TCP11: variants seen among roughly 807,000 people sequenced by gnomAD.
TCP11 encodes t-complex 11.
In TCP11, 34 loss-of-function variants were observed where a neutral mutation model predicts 45.0. The observed-to-expected ratio is 0.76, with a 90% CI of 0.57 to 1.01. TCP11 has a LOEUF of 1.01. TCP11 is among the 50% of genes least tolerant of loss of function. The pLI is 0.00. For synonymous variants in TCP11, 227 were observed against 227.0 expected, an observed-to-expected ratio of 1.00 and a Z score of 0.00; for missense variants, 523 against 598.1, an observed-to-expected ratio of 0.87 and a Z score of 1.31.
At chr6:35,126,770 C>G (rs540416248) in intron 4 of TCP11, among the ~76,000 whole-genome samples, 1 of 149,480 alleles carries the variant, frequency 6.7e-6, no homozygotes, top group African/African-American at 2.5e-5. Context: ...GCAATCCTTC[C>G]GTGTCAGTCT....
chr6:35,140,707 A>AC, intron 2 of TCP11, 40 bp downstream of exon 2: 1 of 1,433,526 alleles, frequency 7.0e-7, no homozygotes, highest in Non-Finnish European at 9.5e-7. Context: ...CACACTAAGC[A>AC]CCCCCTAGGG....
chr6:35,132,837 T>G (rs1780606090), intron 3 of TCP11, among the ~76,000 whole-genome samples: 1 of 152,154 alleles, frequency 6.6e-6, no homozygotes, highest in African/African-American at 2.4e-5. Flanking sequence ...ACAGACCTCA[T>G]TCTCCCAGTT....
At chr6:35,141,115 G>A in intron 1 of TCP11, 90 bp downstream of exon 1, 8 of 1,298,898 alleles carry the variant, frequency 6.2e-6, no homozygotes, top group Non-Finnish European at 7.8e-6. Context: ...CGCAGGGCGG[G>A]AAGCGTGGGA....
In TCP11 at chr6:35,118,146, T is replaced by G; in HGVS notation, c.*123A>C. The stretch of plus-strand genomic sequence containing the variant: ...TTTACATGCTTGATCCCTACAGCCT[T>G]GGTGTACTGGCTGCAGGGCCTGGGA... On this transcript the variant is annotated 3_prime_UTR_variant, in exon 10 of 10. Coordinates refer to ENST00000311875, the MANE Select transcript of TCP11 (RefSeq NM_001370687.1). 1.3e-6 allele frequency: 1 copy of G among 777,574 alleles called. No homozygotes were observed. The highest frequency in any genetic ancestry group is 1.7e-5 in the African/African-American group (1 of 58,500). 48.2% of individuals were successfully genotyped at this position (777,574 alleles called of 1,614,324 possible). A position where few individuals can be genotyped will look rare whatever the true frequency, so the allele number is the denominator to read the frequency against.
At chr6:35,136,699 T>C (rs1172859660) in intron 2 of TCP11, among the ~76,000 whole-genome samples, 1 of 54,306 alleles carries the variant, frequency 1.8e-5, no homozygotes, top group Non-Finnish European at 3.7e-5. Flanking sequence ...TCTCAGATTT[T>C]AGGAATTCAC....
chr6:35,122,088 GT>G, intron 5 of TCP11, 28 bp downstream of exon 5: 1 of 1,612,212 alleles, frequency 6.2e-7, no homozygotes, highest in Non-Finnish European at 8.5e-7. Flanking sequence ...GCTAAAGCAG[GT>G]TTTTGGGGGC....
intron 3 of TCP11, among the ~76,000 whole-genome samples, chr6:35,129,414 CCT>C (rs1316708271): frequency 1.3e-5 from 2 of 152,212 alleles, no homozygotes; most frequent in Non-Finnish European, 2.9e-5. Context: ...CCAGAGCAGC[CCT>C]CTCTCTGCAG....
chr6:35,120,995 G>A lies in TCP11; in HGVS notation c.629C>T (p.Thr210Ile), dbSNP rs201092504. The change falls in exon 6 of 10, where the codon ACT becomes ATT. Residue 210 changes from threonine (T) to isoleucine (I), a missense_variant. This residue lies in a region of TCP11 where 298 missense variants were observed against 387.9 expected (regional missense o/e 0.77). Coordinates refer to ENST00000311875, the MANE Select transcript of TCP11 (RefSeq NM_001370687.1). The surrounding 1 kb of genome is among the most constrained non-coding windows in gnomAD (Gnocchi z 4.9). ...GRMKMDMVNY[T>I]IQSLQPHLQE... ...CAGGTGGGGTTGAAGGCTCTGGATA[G>A]TGTAGTTCACCATGTCCATTTTCAT... The A allele has an allele frequency of 1.2e-6, 2 of 1,613,234 alleles. No individual in the cohort carries two copies. Among genetic ancestry groups the A allele is most frequent in the East Asian group, 4.5e-5 (2 of 44,882 alleles).
At chr6:35,136,370 A>G (rs930395398) in intron 2 of TCP11, among the ~76,000 whole-genome samples, 152 bp from the exon 3 acceptor site, 1 of 151,508 alleles carries the variant, frequency 6.6e-6, no homozygotes, top group Non-Finnish European at 1.5e-5. Flanking sequence ...TCTGCACTCT[A>G]TGCCCCACGA....
At chr6:35,123,693 GC>G (rs1779535488) in intron 4 of TCP11, among the ~76,000 whole-genome samples, 1 of 124,060 alleles carries the variant, frequency 8.1e-6, no homozygotes, top group African/African-American at 3.0e-5. Context: ...TCGCTGTGTT[GC>G]CAGGCTGGCC....
chr6:35,137,812 T>C (rs1354933228), intron 2 of TCP11: 3 of 455,794 alleles, frequency 6.6e-6, no homozygotes, highest in Non-Finnish European at 1.3e-5. Context: ...GGAGGAGATG[T>C]AGATGAACAA....
chr6:35,135,461 A>G (rs936660491), intron 3 of TCP11, among the ~76,000 whole-genome samples: 1 of 152,082 alleles, frequency 6.6e-6, no homozygotes, highest in Non-Finnish European at 1.5e-5. Flanking sequence ...AACCATGCCC[A>G]TATCTCTCAT....
intron 1 of TCP11, 140 bp from the exon 2 acceptor site, chr6:35,141,024 G>T: frequency 8.0e-7 from 1 of 1,246,830 alleles, no homozygotes; most frequent in Non-Finnish European, 1.0e-6. Flanking sequence ...GGGCAAAGGA[G>T]CGTGGAGGAG....
Position 35,118,481 on chromosome 6 carries a change from G to T in TCP11, c.1300C>A (p.Leu434Ile). The change falls in exon 10 of 10, where the codon CTC becomes ATC. Residue 434 changes from leucine (L) to isoleucine (I), a missense_variant. By Grantham distance (5) the Leu-to-Ile change is conservative (BLOSUM62 2). Transcript: ENST00000311875. ...ACACCAAGAACCAAACAGCATTTGA[G>T]AAACAAATGGATCCGCTGATCTGTG... ...SVIDQRIHLF[L>I]KCCLVLGVQR... 6.2e-7 allele frequency: 1 copy of T among 1,613,990 alleles called. No homozygotes were observed. Among genetic ancestry groups the T allele is most frequent in the Non-Finnish European group, 8.5e-7 (1 of 1,179,954 alleles).
In TCP11 at chr6:35,120,962, T is replaced by C. The variant is rs776259421; in HGVS notation, c.662A>G (p.His221Arg). 1.1e-5 allele frequency: 18 copies of C among 1,614,126 alleles called. No homozygotes were observed. The South Asian group carries it at 1.9e-4, about 17-fold the overall frequency. ...IQSLQPHLQE[H>R]SIQYERAKFQ... ...TTTAGCCCGTTCATACTGAATGGAA[T>C]GTTCCTGCAGGTGGGGTTGAAGGCT... The change falls in exon 6 of 10, where the codon CAT becomes CGT. Residue 221 changes from histidine to arginine, a missense_variant. Around this residue, in one of 2 missense-constraint regions of TCP11, gnomAD observed 298 missense variants for 387.9 expected, o/e 0.77. Coordinates refer to ENST00000311875, the MANE Select transcript of TCP11 (RefSeq NM_001370687.1). The surrounding 1 kb of genome is among the most constrained non-coding windows in gnomAD (Gnocchi z 4.9).
rs530635549 is a variant in TCP11, at chr6:35,126,944, C to T, written c.357+2118G>A. Among the ~76,000 whole-genome samples, 5 of 152,234 alleles carry T rather than the reference C, an allele frequency of 3.3e-5. No individual in the cohort carries two copies. In the South Asian group the frequency reaches 6.2e-4, roughly 19 times the overall value. On this transcript the variant is annotated intron_variant, in intron 4 of 9. Coordinates refer to ENST00000311875, the MANE Select transcript of TCP11 (RefSeq NM_001370687.1). Reference sequence around the variant, plus strand: ...GAGTGTTGAGATTACAGGTGTGAGCCACTGTGCCTGGCTTCAAAGACCATT... The same window carrying T: ...GAGTGTTGAGATTACAGGTGTGAGCTACTGTGCCTGGCTTCAAAGACCATT...
At chr6:35,122,392 C>A (rs1024890422) in intron 4 of TCP11, 55 bp from the exon 5 acceptor site, 95 of 1,517,332 alleles carry the variant, frequency 6.3e-5, no homozygotes, top group Non-Finnish European at 7.9e-5. Flanking sequence ...CAAACTTTAT[C>A]CAATGGGCAA....
At chr6:35,124,263 G>A (rs1206955792) in intron 4 of TCP11, among the ~76,000 whole-genome samples, 1 of 152,170 alleles carries the variant, frequency 6.6e-6, no homozygotes, top group Non-Finnish European at 1.5e-5. Flanking sequence ...AGTTTAGACT[G>A]TAGTACAAGC....
intron 3 of TCP11, among the ~76,000 whole-genome samples, chr6:35,133,557 C>A (rs968199769): frequency 1.3e-5 from 2 of 151,916 alleles, no homozygotes; most frequent in African/African-American, 4.8e-5. Context: ...TTTGGGAGGC[C>A]AAGGCGGGTG....
Sources: gnomAD v4.1 joint callset for allele counts (sites outside exome capture counted in the v4.1 genomes callset) on GRCh38, gnomAD v4.1.1 for gene constraint, gnomAD v4.1.1 regional missense constraint, Gnocchi (gnomAD v3.1) non-coding constraint, MANE v1.5 for transcripts, NCBI Gene and HGNC (gene_info 2026-07-23, HGNC 2026-07-21) for gene names.